The following TAC3 variants were observed in gnomAD, a reference collection of about 807,000 sequenced individuals.
TAC3 encodes the protein tachykinin-3.
TAC3 carries 9 observed loss-of-function variants against 16.5 expected under a neutral mutation model. The ratio of observed to expected loss-of-function variants is 0.55; its 90% CI spans 0.33 to 0.95. The LOEUF is 0.95. Among genes scored for constraint, TAC3 ranks in the 40% least tolerant of loss-of-function variants. The pLI is 0.03. For synonymous variants in TAC3, 52 were observed against 56.7 expected (o/e 0.92, Z 0.37); for missense variants, 129 against 149.1 (o/e 0.87, Z 0.70).
intron 1 of TAC3, 47 bp downstream of exon 1, chr12:57,016,340 C>G (rs1282519943): frequency 2.5e-6 from 1 of 405,186 alleles, no homozygotes; most frequent in Admixed American, 2.6e-5. Flanking sequence ...TGGCTCCTGT[C>G]CCCTGGTGCC....
chr12:57,010,482 G>A (rs889575945), intron 6 of TAC3, among the ~76,000 whole-genome samples, 194 bp from the exon 7 acceptor site: 5 of 152,134 alleles, frequency 3.3e-5, no homozygotes, highest in South Asian at 2.1e-4. Flanking sequence ...TCTCCTAGCC[G>A]CAGGTACTTG....
Position 57,013,365 on chromosome 12 carries a change from C to T in TAC3, c.232G>A (p.Glu78Lys), listed in dbSNP as rs374449725. ...STDPKESTSPEKRDMHDFFVG... is the reference protein window; with the variant it reads ...STDPKESTSPKKRDMHDFFVG... ...GGGAGAAGAGGGTACTTACGTTTCT[C>T]GGGAGATGTTGATTCCTTAGGATCT... The change falls in exon 4 of 7, where the codon GAG becomes AAG. Residue 78 changes from glutamate (E) to lysine (K), a missense_variant. Glu to Lys is a moderately conservative substitution (Grantham distance 56). Transcript: ENST00000458521. The T allele has an allele frequency of 2.4e-5, 38 of 1,613,866 alleles. 1 individual carries two copies. In the Middle Eastern group the frequency reaches 8.2e-4, roughly 35 times the overall value.
At position 57,013,398 on chromosome 12, in the gene TAC3, C is replaced by T. The variant is rs1223638242; in HGVS notation, c.209-10G>A. 2 of 1,614,012 alleles carry T rather than the reference C, an allele frequency of 1.2e-6. No homozygotes were observed. Among genetic ancestry groups the T allele is most frequent in the Admixed American group, 3.3e-5 (2 of 60,026 alleles). On this transcript the variant is annotated splice_polypyrimidine_tract_variant and intron_variant, in intron 3 of 6. Coordinates refer to ENST00000458521, the MANE Select transcript of TAC3 (RefSeq NM_013251.4). ...GTTGATTCCTTAGGATCTGTGAAACCAAGAACAGATGTCTAAATGGGGAGT... is the reference window on the plus strand; with the variant it reads ...GTTGATTCCTTAGGATCTGTGAAACTAAGAACAGATGTCTAAATGGGGAGT...
chr12:57,015,586 G>T, intron 2 of TAC3, 98 bp downstream of exon 2: 1 of 1,091,142 alleles, frequency 9.2e-7, no homozygotes, highest in Non-Finnish European at 1.4e-6. Flanking sequence ...CCCTCTGACG[G>T]ACAACCCCCC....
chr12:57,015,131 A>C (rs1472996212), intron 2 of TAC3, among the ~76,000 whole-genome samples: 2 of 152,266 alleles, frequency 1.3e-5, no homozygotes, highest in East Asian at 3.9e-4. Flanking sequence ...GAGGCGGGCA[A>C]GGGAGAAAAG....
intron 2 of TAC3, among the ~76,000 whole-genome samples, chr12:57,015,047 G>T (rs1321652048): frequency 2.6e-5 from 4 of 152,070 alleles, no homozygotes; most frequent in Non-Finnish European, 4.4e-5. Context: ...TTTTCGTAAA[G>T]GAACTGTGGA....
At chr12:57,015,593 C>A in intron 2 of TAC3, 91 bp downstream of exon 2, 1 of 1,173,240 alleles carries the variant, frequency 8.5e-7, no homozygotes, top group Non-Finnish European at 1.3e-6. Flanking sequence ...ACGGACAACC[C>A]CCCCACCCCA....
intron 2 of TAC3, 94 bp downstream of exon 2, chr12:57,015,590 A>C: frequency 1.8e-6 from 2 of 1,097,124 alleles, no homozygotes; most frequent in East Asian, 2.4e-5. Flanking sequence ...CTGACGGACA[A>C]CCCCCCCACC....
intron 1 of TAC3, 78 bp from the exon 2 acceptor site, chr12:57,015,880 T>A: frequency 7.9e-7 from 1 of 1,270,398 alleles, no homozygotes; most frequent in Non-Finnish European, 1.1e-6. Flanking sequence ...CAAGAGACAT[T>A]CATTACCAGC....
chr12:57,012,743 G>T lies in TAC3; in HGVS notation c.292+79C>A, dbSNP rs756328191. The T allele has an allele frequency of 3.1e-6, 5 of 1,613,760 alleles. No homozygotes were observed. The East Asian group carries it at 6.7e-5, about 22-fold the overall frequency. On this transcript the variant is annotated intron_variant, in intron 5 of 6. Coordinates refer to ENST00000458521, the MANE Select transcript of TAC3 (RefSeq NM_013251.4). ...GAAAGGTCCTGTCTTTCCCTCTGGT[G>T]ACAAATATGAGGCACGTGACTTCTG...
At position 57,013,587 on chromosome 12, in the gene TAC3, C is replaced by T. The variant is rs187066881; in HGVS notation, c.199G>A (p.Ala67Thr). 1.7e-5 allele frequency: 27 copies of T among 1,613,322 alleles called. No homozygotes were observed. In the Admixed American group the frequency reaches 4.0e-4, roughly 24 times the overall value. The change falls in exon 3 of 7, where the codon GCT becomes ACT. Residue 67 changes from alanine to threonine, a missense_variant. By Grantham distance (58) the Ala-to-Thr change is moderately conservative (BLOSUM62 0). Coordinates refer to ENST00000458521, the MANE Select transcript of TAC3 (RefSeq NM_013251.4). ...TAGGGCCGCCTCCTACCTGTGCTAGCCTGGCTCAGGGCTTTGAGCAATCCC... is the reference window on the plus strand; with the variant it reads ...TAGGGCCGCCTCCTACCTGTGCTAGTCTGGCTCAGGGCTTTGAGCAATCCC... The part of the protein sequence containing the change: ...LEGLLKALSQ[A>T]STDPKESTSP...
At position 57,015,714 on chromosome 12, in the gene TAC3, C is replaced by G; in HGVS notation, c.84G>C (p.Glu28Asp). The G allele has an allele frequency of 4.3e-6, 7 of 1,614,134 alleles. No individual in the cohort carries two copies. Among genetic ancestry groups the G allele is most frequent in the Non-Finnish European group, 5.9e-6 (7 of 1,180,012 alleles). Reference protein sequence around the residue: ...SFGAVCKEPQEEVVPGGGRSK... With the variant: ...SFGAVCKEPQDEVVPGGGRSK... ...TGCGGCCCCCGCCAGGAACCACCTCCTCCTGTGGCTCCTTACAGACAGCCC... is the reference window on the plus strand; with the variant it reads ...TGCGGCCCCCGCCAGGAACCACCTCGTCCTGTGGCTCCTTACAGACAGCCC... Residue 28 changes from glutamate to aspartate, a missense_variant, in exon 2 of 7, where the codon GAG becomes GAC. Glu to Asp is a conservative substitution (Grantham distance 45, BLOSUM62 2). Coordinates refer to ENST00000458521, the MANE Select transcript of TAC3 (RefSeq NM_013251.4).
intron 6 of TAC3, chr12:57,010,591 T>A (rs1158833948): frequency 5.7e-6 from 1 of 174,256 alleles, no homozygotes; most frequent in African/African-American, 2.4e-5. Context: ...GTTCATGCCA[T>A]CCTAGCACCA....
chr12:57,013,356 T>TA lies in TAC3; in HGVS notation c.238+2dup. The TA allele has an allele frequency of 6.2e-7, 1 of 1,614,014 alleles. No homozygotes were observed. Among genetic ancestry groups the TA allele is most frequent in the Non-Finnish European group, 8.5e-7 (1 of 1,179,922 alleles). ...AGATAGGGAGGGAGAAGAGGGTACT[T>TA]ACGTTTCTCGGGAGATGTTGATTCC... On this transcript the variant is annotated splice_region_variant and intron_variant, in intron 4 of 6. Transcript: ENST00000458521.
chr12:57,012,507 C>T, intron 5 of TAC3, 55 bp from the exon 6 acceptor site: 4 of 1,608,986 alleles, frequency 2.5e-6, no homozygotes, highest in Admixed American at 1.7e-5. Flanking sequence ...GTGAACTACA[C>T]CCTGATCCAA....
intron 6 of TAC3, chr12:57,010,606 G>A: frequency 5.9e-6 from 1 of 169,236 alleles, no homozygotes. Context: ...GCACCACCAT[G>A]AGCCAGACAC....
At chr12:57,015,035 C>A (rs562796425) in intron 2 of TAC3, among the ~76,000 whole-genome samples, 3 of 152,246 alleles carry the variant, frequency 2.0e-5, no homozygotes, top group African/African-American at 7.2e-5. Flanking sequence ...AATTCCTATT[C>A]TTTTTCGTAA....
At chr12:57,014,705 G>GT (rs58661415) in intron 2 of TAC3, among the ~76,000 whole-genome samples, 20,663 of 146,826 alleles carry the variant, frequency 0.14, 2,272 homozygotes, top group African/African-American at 0.31. Context: ...TCCCCTGGGT[G>GT]TTTTTTTTTT....
rs956520339 is a variant in TAC3, at chr12:57,015,809, G to A, written c.-5-7C>T. On this transcript the variant is annotated splice_polypyrimidine_tract_variant and splice_region_variant and intron_variant, in intron 1 of 6. Transcript: ENST00000458521. ...AGCATGATCCTCATGGTGCCTGGGA[G>A]AGCAAAGGGACAGGACTCAGGTAAA... 4 of 1,609,930 alleles carry A rather than the reference G, an allele frequency of 2.5e-6. No individual in the cohort carries two copies. The highest frequency in any genetic ancestry group is 2.7e-5 in the African/African-American group (2 of 74,962).
Sources: gnomAD v4.1 joint callset for allele counts (sites outside exome capture counted in the v4.1 genomes callset) on GRCh38, gnomAD v4.1.1 for gene constraint, MANE v1.5 for transcripts, NCBI Gene and HGNC (gene_info 2026-07-23, HGNC 2026-07-21) for gene names.